The following DPP10 variants were observed in gnomAD, a reference collection of about 807,000 sequenced individuals.
DPP10 encodes inactive dipeptidyl peptidase 10.
DPP10 carries 33 observed loss-of-function variants against 120.9 expected under a neutral mutation model. That is an observed-to-expected ratio of 0.27 (90% CI 0.21 to 0.37). The LOEUF (loss-of-function observed/expected upper bound fraction) is 0.37, where lower values mean the gene tolerates loss of function less well. Among genes scored for constraint, DPP10 ranks in the 10% least tolerant of loss-of-function variants. The pLI, the probability that DPP10 is intolerant of heterozygous loss-of-function variation, is 1.00. For synonymous variants in DPP10, 337 were observed against 326.1 expected (o/e 1.03, Z -0.36); for missense variants, 816 against 942.8 (o/e 0.87, Z 1.76).
intron 8 of DPP10, among the ~76,000 whole-genome samples, chr2:115,736,460 A>G (rs761690108): frequency 6.6e-6 from 1 of 151,990 alleles, no homozygotes; most frequent in Non-Finnish European, 1.5e-5. Flanking sequence ...CTTTTTTGCC[A>G]CAAAATATTT....
At chr2:114,495,961 C>T (rs900432840) in intron 1 of DPP10, among the ~76,000 whole-genome samples, 6 of 152,270 alleles carry the variant, frequency 3.9e-5, no homozygotes, top group Middle Eastern at 3.4e-3. Context: ...TTTCTTCTTC[C>T]TTTATATTGG....
chr2:115,309,378 A>T (rs1264579642), intron 2 of DPP10, 25 bp downstream of exon 2: 1 of 1,595,706 alleles, frequency 6.3e-7, no homozygotes, highest in Non-Finnish European at 8.6e-7. Context: ...TTCCTCTCTT[A>T]TGATGGATGG....
intron 1 of DPP10, among the ~76,000 whole-genome samples, chr2:114,539,169 A>T (rs1686755087): frequency 6.7e-6 from 1 of 148,620 alleles, no homozygotes; most frequent in Admixed American, 6.8e-5. Flanking sequence ...TACATGTTTT[A>T]TTTATAACTG....
intron 3 of DPP10, among the ~76,000 whole-genome samples, chr2:115,381,050 G>A (rs1381994059): frequency 1.3e-5 from 2 of 152,076 alleles, no homozygotes; most frequent in African/African-American, 4.8e-5. Flanking sequence ...CTCTTCTCGT[G>A]GAGTATCTTT....
intron 5 of DPP10, among the ~76,000 whole-genome samples, chr2:115,643,404 A>C (rs2149355350): frequency 6.6e-6 from 1 of 152,276 alleles, no homozygotes; most frequent in East Asian, 1.9e-4. Context: ...CAGCATGAAA[A>C]ATTGTAGAGA....
chr2:115,646,580 C>T (rs2087279463), intron 5 of DPP10, among the ~76,000 whole-genome samples: 1 of 152,094 alleles, frequency 6.6e-6, no homozygotes, highest in African/African-American at 2.4e-5. Flanking sequence ...TTCCTTAAGC[C>T]ACCTGGGCTA....
At chr2:115,788,369 A>G (rs1158790468) in intron 17 of DPP10, among the ~76,000 whole-genome samples, 1 of 152,172 alleles carries the variant, frequency 6.6e-6, no homozygotes, top group Admixed American at 6.5e-5. Flanking sequence ...AGAGCAAATT[A>G]AAACAAAGTT....
intron 17 of DPP10, among the ~76,000 whole-genome samples, chr2:115,790,330 C>T (rs1273124260): frequency 2.6e-5 from 4 of 151,988 alleles, no homozygotes; most frequent in Non-Finnish European, 2.9e-5. Flanking sequence ...CCACCCGCCT[C>T]GGCCTCCCAA....
At chr2:114,744,735 C>G (rs952887575) in intron 1 of DPP10, among the ~76,000 whole-genome samples, 2 of 152,022 alleles carry the variant, frequency 1.3e-5, no homozygotes, top group Non-Finnish European at 2.9e-5. Flanking sequence ...AGATGAGAAC[C>G]TGTAACAGTG....
chr2:115,207,624 G>C (rs1359304237), intron 1 of DPP10, among the ~76,000 whole-genome samples: 1 of 152,132 alleles, frequency 6.6e-6, no homozygotes, highest in Non-Finnish European at 1.5e-5. Context: ...ACGCAAGAGA[G>C]CATGTCCCTG....
chr2:115,534,980 T>G (rs1053474910), intron 5 of DPP10, among the ~76,000 whole-genome samples: 9 of 149,284 alleles, frequency 6.0e-5, no homozygotes, highest in Admixed American at 2.7e-4. Flanking sequence ...TCTTGTAAAT[T>G]TGTTTGAGTT....
intron 1 of DPP10, among the ~76,000 whole-genome samples, chr2:115,164,646 C>T (rs904129671): frequency 2.0e-5 from 3 of 152,158 alleles, no homozygotes; most frequent in Admixed American, 6.5e-5. Flanking sequence ...GTCCTGAGGC[C>T]ATCAAACACC....
At chr2:115,706,978 G>C (rs1267288398) in intron 7 of DPP10, among the ~76,000 whole-genome samples, 1 of 151,856 alleles carries the variant, frequency 6.6e-6, no homozygotes, top group East Asian at 1.9e-4. Context: ...CCAAAGAAAT[G>C]AAAATAAAAA....
chr2:115,107,047 C>T (rs1420835546), intron 1 of DPP10, among the ~76,000 whole-genome samples: 2 of 151,198 alleles, frequency 1.3e-5, no homozygotes, highest in East Asian at 3.9e-4. Context: ...TGCACTCCAG[C>T]CTGGGCGACA....
At chr2:115,322,548 G>T (rs2106111700) in intron 2 of DPP10, among the ~76,000 whole-genome samples, 1 of 152,196 alleles carries the variant, frequency 6.6e-6, no homozygotes, top group East Asian at 1.9e-4. Context: ...CTCTTATTGT[G>T]ATAAACCTGG....
chr2:115,601,590 G>GA (rs1193814191), intron 5 of DPP10, among the ~76,000 whole-genome samples: 7 of 151,672 alleles, frequency 4.6e-5, no homozygotes, highest in South Asian at 2.1e-4. Flanking sequence ...AGAGAGAAAA[G>GA]AAAAAAAATA....
chr2:114,547,160 T>G (rs1687480196), intron 1 of DPP10, among the ~76,000 whole-genome samples: 1 of 152,254 alleles, frequency 6.6e-6, no homozygotes. Flanking sequence ...GCTTTGAGAT[T>G]CTTCATAATT....
intron 1 of DPP10, among the ~76,000 whole-genome samples, chr2:114,879,125 A>C (rs1456787248): frequency 6.6e-6 from 1 of 151,246 alleles, no homozygotes. Flanking sequence ...ATGACTTCAC[A>C]GGTAAATTCT....
intron 1 of DPP10, among the ~76,000 whole-genome samples, chr2:114,809,139 A>G (rs1684981059): frequency 6.6e-6 from 1 of 152,114 alleles, no homozygotes; most frequent in Non-Finnish European, 1.5e-5. Flanking sequence ...GGACTAGTGG[A>G]TGTTCAGTAA....
Sources: gnomAD v4.1 joint callset for allele counts (sites outside exome capture counted in the v4.1 genomes callset) on GRCh38, gnomAD v4.1.1 for gene constraint, MANE v1.5 for transcripts, NCBI Gene and HGNC (gene_info 2026-07-23, HGNC 2026-07-21) for gene names.